Variants in RBFOX1 observed in about 807,000 individuals in gnomAD.
RBFOX1 encodes the protein RNA binding protein fox-1 homolog 1.
A neutral mutation model predicts 57.7 loss-of-function variants in RBFOX1; 8 were observed. The observed-to-expected ratio is 0.14, with a 90% CI of 0.08 to 0.25. RBFOX1 has a LOEUF of 0.25. Ranked by LOEUF, RBFOX1 falls within the 10% of genes least tolerant of loss-of-function variation. The pLI, the probability that RBFOX1 is intolerant of heterozygous loss-of-function variation, is 1.00. For synonymous variants in RBFOX1, 326 were observed against 222.4 expected (o/e 1.47, Z -4.15); for missense variants, 611 against 548.5 (o/e 1.11, Z -1.14).
At chr16:7,626,791 A>G (rs1268619780) in intron 10 of RBFOX1, among the ~76,000 whole-genome samples, 1 of 152,224 alleles carries the variant, frequency 6.6e-6, no homozygotes, top group African/African-American at 2.4e-5. Flanking sequence ...CACTATTTTT[A>G]GCAAAGAGGG....
intron 1 of RBFOX1, among the ~76,000 whole-genome samples, chr16:6,132,254 C>A (rs2096634993): frequency 6.6e-6 from 1 of 152,164 alleles, no homozygotes; most frequent in African/African-American, 2.4e-5. Context: ...CTTGGCTCTT[C>A]TCTATTTCCA....
intron 1 of RBFOX1, among the ~76,000 whole-genome samples, chr16:5,359,951 C>G (rs1026729957): frequency 1.1e-4 from 16 of 152,100 alleles, no homozygotes; most frequent in Non-Finnish European, 7.3e-5. Context: ...TTTCTCTGTC[C>G]TCACCTCAGA....
intron 3 of RBFOX1, among the ~76,000 whole-genome samples, chr16:6,846,207 G>A (rs1181125969): frequency 6.6e-6 from 1 of 152,210 alleles, no homozygotes; most frequent in Non-Finnish European, 1.5e-5. Flanking sequence ...GAGGACTTGG[G>A]AAGGGTGTGT....
At chr16:5,379,785 C>T (rs915189181) in intron 1 of RBFOX1, among the ~76,000 whole-genome samples, 3 of 152,210 alleles carry the variant, frequency 2.0e-5, no homozygotes, top group African/African-American at 7.2e-5. Context: ...AGGGCTCTCC[C>T]TTTGATCTGC....
chr16:6,772,120 G>A (rs974673307), intron 3 of RBFOX1, among the ~76,000 whole-genome samples: 2 of 152,138 alleles, frequency 1.3e-5, no homozygotes, highest in African/African-American at 4.8e-5. Flanking sequence ...TTTCAATGCT[G>A]TTAACTTCCC....
At chr16:5,943,837 C>T (rs1372569483) in intron 4 of RBFOX1, among the ~76,000 whole-genome samples, 1 of 152,088 alleles carries the variant, frequency 6.6e-6, no homozygotes, top group Non-Finnish European at 1.5e-5. Flanking sequence ...ATCGACCCAC[C>T]CATTTATCCA....
At chr16:6,417,790 A>T (rs1020581707) in intron 2 of RBFOX1, among the ~76,000 whole-genome samples, 8 of 146,832 alleles carry the variant, frequency 5.4e-5, no homozygotes, top group Non-Finnish European at 3.0e-5. Flanking sequence ...TTTTTTTTTT[A>T]CAGATTATTT....
intron 3 of RBFOX1, among the ~76,000 whole-genome samples, chr16:6,991,509 A>T (rs2091446982): frequency 2.0e-5 from 3 of 152,266 alleles, no homozygotes; most frequent in South Asian, 2.1e-4. Flanking sequence ...GATTATTATC[A>T]TCAACCCACT....
intron 4 of RBFOX1, among the ~76,000 whole-genome samples, chr16:5,954,250 C>G (rs11866572): frequency 0.75 from 113,608 of 151,886 alleles, 42,609 homozygotes; most frequent in Admixed American, 0.8. Context: ...GGCTTCCTGG[C>G]CTTGTGACAG....
chr16:6,071,721 C>G (rs1282309277), intron 1 of RBFOX1, among the ~76,000 whole-genome samples: 1 of 152,128 alleles, frequency 6.6e-6, no homozygotes, highest in Non-Finnish European at 1.5e-5. Flanking sequence ...TAACTTCAAG[C>G]TAATTGAACA....
In RBFOX1 at chr16:7,594,561, A is replaced by G. The variant is rs111722631; in HGVS notation, c.469-988A>G. Among the ~76,000 whole-genome samples the G allele has an allele frequency of 2.3e-3, 347 of 152,334 alleles. 5 individuals carry two copies. The highest frequency in any genetic ancestry group is 7.9e-3 in the African/African-American group (327 of 41,576). On this transcript the variant is annotated intron_variant, in intron 7 of 15. Coordinates refer to ENST00000550418, the MANE Select transcript of RBFOX1 (RefSeq NM_018723.4). The stretch of plus-strand genomic sequence containing the variant: ...TGAAGACAAAATACGGATTTTGACA[A>G]TATAGTTTAGTGGGGTTGATTTTTG...
intron 1 of RBFOX1, among the ~76,000 whole-genome samples, chr16:6,068,152 G>C (rs372742835): frequency 2.4e-3 from 371 of 152,236 alleles, no homozygotes; most frequent in African/African-American, 8.5e-3. Flanking sequence ...AGGGATGCGA[G>C]GCTGTGTTTC....
intron 3 of RBFOX1, among the ~76,000 whole-genome samples, chr16:6,901,457 A>G (rs1015961307): frequency 3.3e-5 from 5 of 152,242 alleles, no homozygotes; most frequent in African/African-American, 7.2e-5. Flanking sequence ...TGCCTGGCCT[A>G]TGTCTGCCCC....
chr16:7,273,204 CCCTT>C (rs545705118), intron 4 of RBFOX1, among the ~76,000 whole-genome samples: 952 of 35,124 alleles, frequency 0.027, 33 homozygotes, highest in East Asian at 0.044. Context: ...CTTCCTCCCT[CCCTT>C]CCTTCCTTCC....
At chr16:6,505,744 A>G (rs1180280003) in intron 2 of RBFOX1, among the ~76,000 whole-genome samples, 1 of 152,210 alleles carries the variant, frequency 6.6e-6, no homozygotes, top group Non-Finnish European at 1.5e-5. Flanking sequence ...AGTCTAATGA[A>G]GGAGAAATCA....
chr16:7,034,448 C>T (rs2043698331), intron 3 of RBFOX1, among the ~76,000 whole-genome samples: 1 of 152,052 alleles, frequency 6.6e-6, no homozygotes, highest in Non-Finnish European at 1.5e-5. Context: ...CTGCTTCTTC[C>T]CCCTTCTTCC....
intron 1 of RBFOX1, among the ~76,000 whole-genome samples, chr16:6,183,572 T>C (rs1042908065): frequency 6.6e-6 from 1 of 152,078 alleles, no homozygotes; most frequent in African/African-American, 2.4e-5. Context: ...GATGCTGTTA[T>C]ATATGAGAGA....
intron 3 of RBFOX1, among the ~76,000 whole-genome samples, chr16:5,639,359 T>C (rs1372206474): frequency 1.3e-5 from 2 of 152,234 alleles, no homozygotes; most frequent in East Asian, 3.9e-4. Flanking sequence ...TCCACAGTTG[T>C]ATTTTATTTT....
chr16:7,209,998 C>G (rs1042276118), intron 4 of RBFOX1, among the ~76,000 whole-genome samples: 2 of 152,166 alleles, frequency 1.3e-5, no homozygotes, highest in African/African-American at 4.8e-5. Flanking sequence ...ACTGCCTTGC[C>G]TCTAAAAATG....
Sources: allele counts gnomAD v4.1 joint callset (sites outside exome capture counted in the v4.1 genomes callset), GRCh38; gene constraint gnomAD v4.1.1; transcripts MANE v1.5; gene names NCBI Gene and HGNC (gene_info 2026-07-23, HGNC 2026-07-21).